Variants in CNTNAP2 observed in about 807,000 individuals in gnomAD.
CNTNAP2 encodes contactin associated protein 2, also known as contactin-associated protein-like 2.
In CNTNAP2, 98 loss-of-function variants were observed where a neutral mutation model predicts 155.2. The ratio of observed to expected loss-of-function variants is 0.63; its 90% CI spans 0.54 to 0.75. The LOEUF (loss-of-function observed/expected upper bound fraction) is 0.75, where lower values mean the gene tolerates loss of function less well. Among genes scored for constraint, CNTNAP2 ranks in the 30% least tolerant of loss-of-function variants. The pLI is 0.00. For missense variants in CNTNAP2, 1,727 were observed against 1,688.1 expected (o/e 1.02, Z -0.40); for synonymous variants, 651 against 631.2 (o/e 1.03, Z -0.47).
chr7:146,225,811 G>A (rs189635707), intron 1 of CNTNAP2, among the ~76,000 whole-genome samples: 394 of 152,238 alleles, frequency 2.6e-3, no homozygotes, highest in Non-Finnish European at 4.4e-3. Flanking sequence ...TGTTATGCTG[G>A]TATTTTTAAG....
chr7:147,609,294 G>A (rs1801135029), intron 12 of CNTNAP2, among the ~76,000 whole-genome samples: 1 of 152,198 alleles, frequency 6.6e-6, no homozygotes, highest in Admixed American at 6.5e-5. Context: ...CACTTTGGGA[G>A]GCCGAGGTGG....
At chr7:146,415,028 G>A (rs929123419) in intron 1 of CNTNAP2, among the ~76,000 whole-genome samples, 6 of 138,414 alleles carry the variant, frequency 4.3e-5, no homozygotes, top group African/African-American at 1.6e-4. Flanking sequence ...CCTTGGCAGC[G>A]AAGGGCAGAA....
In CNTNAP2 at chr7:146,325,326, G is replaced by A. The variant is rs997515109; in HGVS notation, c.97+208353G>A. Among the ~76,000 whole-genome samples, 22 of 152,172 alleles carry A rather than the reference G, an allele frequency of 1.4e-4. No homozygotes were observed. In the East Asian group the frequency reaches 3.9e-3, roughly 27 times the overall value. On this transcript the variant is annotated intron_variant, in intron 1 of 23. Coordinates refer to ENST00000361727, the MANE Select transcript of CNTNAP2 (RefSeq NM_014141.6). Reference sequence around the variant, plus strand: ...AAGTTTCTTAAAATGTACAATATATGTACAATATTAAGAAGTAGTAAAAAA... The same window carrying A: ...AAGTTTCTTAAAATGTACAATATATATACAATATTAAGAAGTAGTAAAAAA...
intron 4 of CNTNAP2, among the ~76,000 whole-genome samples, chr7:147,093,112 A>G (rs906774897): frequency 4.6e-5 from 7 of 151,144 alleles, no homozygotes; most frequent in East Asian, 2.0e-4. Context: ...GTGGTGGCGG[A>G]TGCCTGTAGT....
chr7:148,070,509 G>C (rs1803360361), intron 15 of CNTNAP2, among the ~76,000 whole-genome samples: 1 of 152,214 alleles, frequency 6.6e-6, no homozygotes, highest in Non-Finnish European at 1.5e-5. Flanking sequence ...CTGAGGTCAG[G>C]AGTTTGAGAC....
chr7:147,025,511 A>G, intron 3 of CNTNAP2, among the ~76,000 whole-genome samples: 2 of 61,142 alleles, frequency 3.3e-5, no homozygotes, highest in African/African-American at 7.2e-5. Context: ...GGGGACGGGG[A>G]GAAGAAAGTG....
chr7:147,096,017 A>G (rs1800524521), intron 4 of CNTNAP2, among the ~76,000 whole-genome samples: 1 of 152,184 alleles, frequency 6.6e-6, no homozygotes, highest in Non-Finnish European at 1.5e-5. Context: ...GTTTTTTCTT[A>G]ACCATGCTCT....
intron 14 of CNTNAP2, among the ~76,000 whole-genome samples, chr7:147,909,051 T>A (rs1046383107): frequency 2.0e-5 from 3 of 152,234 alleles, no homozygotes; most frequent in Admixed American, 6.5e-5. Context: ...ATTATTTGAA[T>A]GTTGAATGGA....
chr7:148,318,726 C>T (rs1418572480), intron 21 of CNTNAP2, among the ~76,000 whole-genome samples: 1 of 152,170 alleles, frequency 6.6e-6, no homozygotes. Flanking sequence ...ACATATTTCC[C>T]TCCATTAGGA....
chr7:147,908,926 C>T (rs1800013413), intron 14 of CNTNAP2, among the ~76,000 whole-genome samples: 1 of 152,088 alleles, frequency 6.6e-6, no homozygotes, highest in African/African-American at 2.4e-5. Context: ...TCTTTGTTTT[C>T]TTATCAGCAA....
At chr7:146,565,027 A>G (rs1798336280) in intron 1 of CNTNAP2, among the ~76,000 whole-genome samples, 1 of 152,030 alleles carries the variant, frequency 6.6e-6, no homozygotes, top group Admixed American at 6.6e-5. Context: ...TCCTACTATA[A>G]TATTTCAGTC....
chr7:146,468,123 A>C (rs1464504642), intron 1 of CNTNAP2, among the ~76,000 whole-genome samples: 1 of 152,186 alleles, frequency 6.6e-6, no homozygotes, highest in East Asian at 1.9e-4. Context: ...AGACATCTAA[A>C]ATTTTTTAAA....
At chr7:147,353,015 G>A (rs1302246745) in intron 9 of CNTNAP2, among the ~76,000 whole-genome samples, 1 of 151,094 alleles carries the variant, frequency 6.6e-6, no homozygotes, top group East Asian at 1.9e-4. Flanking sequence ...GTTCTCTATA[G>A]CAATTAGTCA....
At chr7:147,404,766 C>A (rs1796977039) in intron 10 of CNTNAP2, among the ~76,000 whole-genome samples, 2 of 152,260 alleles carry the variant, frequency 1.3e-5, no homozygotes, top group South Asian at 4.1e-4. Flanking sequence ...ATCTTTCTAG[C>A]ACAAAAACAT....
chr7:147,021,039 A>G (rs1372286473), intron 3 of CNTNAP2, among the ~76,000 whole-genome samples: 1 of 152,168 alleles, frequency 6.6e-6, no homozygotes, highest in Non-Finnish European at 1.5e-5. Flanking sequence ...TGAAACGAGT[A>G]CATGATTACA....
chr7:147,713,354 C>A (rs921274338), intron 13 of CNTNAP2, among the ~76,000 whole-genome samples: 3 of 152,140 alleles, frequency 2.0e-5, no homozygotes, highest in Non-Finnish European at 2.9e-5. Flanking sequence ...CCACTGATAA[C>A]CTGATCCATT....
intron 13 of CNTNAP2, among the ~76,000 whole-genome samples, chr7:147,658,931 A>G (rs759116997): frequency 2.0e-5 from 3 of 152,048 alleles, no homozygotes; most frequent in Non-Finnish European, 2.9e-5. Context: ...GAGTGTTGAT[A>G]TTTTAGTTTA....
intron 1 of CNTNAP2, among the ~76,000 whole-genome samples, chr7:146,235,551 T>A (rs1339933086): frequency 6.6e-6 from 1 of 152,198 alleles, no homozygotes; most frequent in African/African-American, 2.4e-5. Flanking sequence ...ACTGGGAAAC[T>A]GAGAACCCTT....
At chr7:146,340,336 C>G (rs1271120799) in intron 1 of CNTNAP2, among the ~76,000 whole-genome samples, 2 of 138,490 alleles carry the variant, frequency 1.4e-5, no homozygotes, top group Non-Finnish European at 3.1e-5. Context: ...ACATCTAATA[C>G]TTTTCAAAGT....
Sources: gnomAD v4.1 joint callset for allele counts (sites outside exome capture counted in the v4.1 genomes callset) on GRCh38, gnomAD v4.1.1 for gene constraint, MANE v1.5 for transcripts, NCBI Gene and HGNC (gene_info 2026-07-23, HGNC 2026-07-21) for gene names.